Variants in CIMIP6 observed in about 807,000 individuals in gnomAD.
CIMIP6 encodes the protein uncharacterized protein C2orf73.
the CIMIP6 span, among the ~76,000 whole-genome samples, chr2:54,374,175 C>T: frequency 1.3e-5 from 2 of 152,220 alleles, no homozygotes; most frequent in Non-Finnish European, 2.9e-5. Context: ...CTACTCCATA[C>T]TCTCCATAGT....
chr2:54,363,135 AGT>A, the CIMIP6 span, among the ~76,000 whole-genome samples: 1 of 152,132 alleles, frequency 6.6e-6, no homozygotes, highest in Non-Finnish European at 1.5e-5. Context: ...TTGTTTGTTG[AGT>A]GTGAACCTCG....
At chr2:54,373,489 A>G in the CIMIP6 span, among the ~76,000 whole-genome samples, 1 of 151,994 alleles carries the variant, frequency 6.6e-6, no homozygotes, top group Admixed American at 6.5e-5. Flanking sequence ...CTTTTGCAAC[A>G]CTTCCTGTCT....
the CIMIP6 span, among the ~76,000 whole-genome samples, chr2:54,375,989 C>T: frequency 6.6e-6 from 1 of 152,050 alleles, no homozygotes; most frequent in South Asian, 2.1e-4. Context: ...TAGCTTTATA[C>T]TCTTCAATGT....
At chr2:54,334,259 C>T in the CIMIP6 span, among the ~76,000 whole-genome samples, 1 of 152,114 alleles carries the variant, frequency 6.6e-6, no homozygotes, top group Non-Finnish European at 1.5e-5. Flanking sequence ...TAACAGAGTG[C>T]TTACTAGAGG....
chr2:54,360,863 A>G, the CIMIP6 span: 15 of 202,962 alleles, frequency 7.4e-5, no homozygotes, highest in Admixed American at 7.5e-4. Context: ...CCTGTTAGAC[A>G]TGAGTGGACA....
the CIMIP6 span, chr2:54,335,007 A>G: frequency 1.6e-5 from 26 of 1,600,016 alleles, 1 homozygote; most frequent in South Asian, 2.6e-4. Flanking sequence ...AGATCCCAAA[A>G]AAGGGCCAGA....
chr2:54,352,183 C>G, the CIMIP6 span, among the ~76,000 whole-genome samples: 1 of 152,160 alleles, frequency 6.6e-6, no homozygotes, highest in African/African-American at 2.4e-5. Context: ...GCTTTCTCAT[C>G]TCTATATTTA....
At chr2:54,370,226 G>T in the CIMIP6 span, among the ~76,000 whole-genome samples, 5 of 152,068 alleles carry the variant, frequency 3.3e-5, no homozygotes, top group Non-Finnish European at 2.9e-5. Context: ...CTGCACTCCA[G>T]CCTGGGCAGC....
the CIMIP6 span, among the ~76,000 whole-genome samples, chr2:54,349,004 A>G: frequency 5.3e-5 from 8 of 152,292 alleles, no homozygotes; most frequent in African/African-American, 1.9e-4. Context: ...TTTATATAAT[A>G]AAACTTTATA....
the CIMIP6 span, among the ~76,000 whole-genome samples, chr2:54,382,233 T>C: frequency 6.6e-6 from 1 of 152,214 alleles, no homozygotes; most frequent in African/African-American, 2.4e-5. Context: ...AATCACTATA[T>C]TGTTATCAAT....
the CIMIP6 span, chr2:54,358,850 A>G: frequency 1.5e-5 from 8 of 529,752 alleles, no homozygotes; most frequent in Admixed American, 2.9e-4. Context: ...ATAATCTTGC[A>G]TACTTCAAGA....
chr2:54,348,839 T>C, the CIMIP6 span, among the ~76,000 whole-genome samples: 1 of 152,342 alleles, frequency 6.6e-6, no homozygotes, highest in African/African-American at 2.4e-5. Flanking sequence ...GCCTGGACTT[T>C]GGCATTTCAG....
At chr2:54,374,206 C>A in the CIMIP6 span, among the ~76,000 whole-genome samples, 1 of 152,336 alleles carries the variant, frequency 6.6e-6, no homozygotes, top group South Asian at 2.1e-4. Context: ...CCCATTTTAT[C>A]TGAGCATGTC....
the CIMIP6 span, among the ~76,000 whole-genome samples, chr2:54,340,646 G>A: frequency 2.0e-5 from 3 of 152,062 alleles, no homozygotes; most frequent in Non-Finnish European, 4.4e-5. Flanking sequence ...AAACTGCAGA[G>A]CCTTAAAGTC....
the CIMIP6 span, chr2:54,360,428 A>G: frequency 6.3e-7 from 1 of 1,599,342 alleles, no homozygotes; most frequent in Non-Finnish European, 8.5e-7. Context: ...AACAGACGTC[A>G]GACAGGCAGC....
chr2:54,333,351 A>G, the CIMIP6 span, among the ~76,000 whole-genome samples: 1 of 152,306 alleles, frequency 6.6e-6, no homozygotes, highest in Non-Finnish European at 1.5e-5. Flanking sequence ...AGACCTAAAT[A>G]TCCTGAGCCA....
the CIMIP6 span, among the ~76,000 whole-genome samples, chr2:54,380,791 C>G: frequency 6.6e-6 from 1 of 152,198 alleles, no homozygotes; most frequent in East Asian, 1.9e-4. Flanking sequence ...CCATGCCTTA[C>G]CAAGCATTCT....
chr2:54,335,272 G>A, the CIMIP6 span, among the ~76,000 whole-genome samples: 6 of 152,234 alleles, frequency 3.9e-5, no homozygotes, highest in African/African-American at 1.2e-4. Flanking sequence ...ACAAAGTAGT[G>A]CTTTGGGGTT....
the CIMIP6 span, among the ~76,000 whole-genome samples, chr2:54,355,600 C>G: frequency 1.3e-5 from 2 of 151,938 alleles, no homozygotes; most frequent in African/African-American, 4.8e-5. Context: ...GGTGTTGATA[C>G]TTCCACCTTC....
Sources: gnomAD v4.1 joint callset for allele counts (sites outside exome capture counted in the v4.1 genomes callset) on GRCh38, gnomAD v4.1.1 for gene constraint, MANE v1.5 for transcripts, NCBI Gene and HGNC (gene_info 2026-07-23, HGNC 2026-07-21) for gene names.